The following KIAA1958 variants were observed in gnomAD, a reference collection of about 807,000 sequenced individuals.
KIAA1958 encodes the protein KIAA1958.
In KIAA1958, 14 loss-of-function variants were observed where a neutral mutation model predicts 47.2. That is an observed-to-expected ratio of 0.30 (90% CI 0.20 to 0.46). The LOEUF (loss-of-function observed/expected upper bound fraction) is 0.46, where lower values mean the gene tolerates loss of function less well. Ranked by LOEUF, KIAA1958 falls within the 20% of genes least tolerant of loss-of-function variation. The pLI is 1.00. For missense variants in KIAA1958, 803 were observed against 909.2 expected, an observed-to-expected ratio of 0.88 and a Z score of 1.50; for synonymous variants, 354 against 353.3, an observed-to-expected ratio of 1.00 and a Z score of -0.02.
Position 112,665,968 on chromosome 9 carries a change from C to A in KIAA1958, c.*5899C>A, listed in dbSNP as rs1194110209. The A allele has an allele frequency of 1.3e-5, 2 of 151,738 alleles. No homozygotes were observed. The allele number at this position is 151,738 out of a possible 1,614,324, so 9.4% of individuals were successfully genotyped here. A position where few individuals can be genotyped will look rare whatever the true frequency, so the allele number is the denominator to read the frequency against. On this transcript the variant is annotated 3_prime_UTR_variant, in exon 4 of 4. Transcript: ENST00000337530. ...GATTTTTATAATCTGTAGGCTATAG[C>A]ACTGTCATAGAAAAATATACCTTTT...
chr9:112,652,458 A>G (rs774611255), intron 3 of KIAA1958, among the ~76,000 whole-genome samples: 3 of 152,220 alleles, frequency 2.0e-5, no homozygotes, highest in South Asian at 2.1e-4. Flanking sequence ...TGCAAACAAT[A>G]TAAGTGTTGT....
intron 1 of KIAA1958, among the ~76,000 whole-genome samples, chr9:112,493,936 CTT>C (rs1834012399): frequency 2.0e-5 from 3 of 152,176 alleles, no homozygotes; most frequent in Non-Finnish European, 4.4e-5. Flanking sequence ...CTCACAATTA[CTT>C]AACTGTGCCA....
Position 112,618,814 on chromosome 9 carries a change from T to A in KIAA1958, c.1172-26836T>A, listed in dbSNP as rs1357615735. On this transcript the variant is annotated intron_variant, in intron 2 of 3. Transcript: ENST00000337530. This position sits in a 1 kb window ranked among gnomAD's most constrained non-coding sequence, Gnocchi z 7.1. ...AGAGCAACCAGCTCGTGCTGATCTG[T>A]AACAATCTGAGCCAGCAGGCTGCCC... The A allele has an allele frequency of 1.3e-6, 2 of 1,550,600 alleles. No homozygotes were observed. Among genetic ancestry groups the A allele is most frequent in the Admixed American group, 3.9e-5 (2 of 51,012 alleles).
intron 2 of KIAA1958, among the ~76,000 whole-genome samples, chr9:112,629,247 T>G (rs1479816311): frequency 6.6e-6 from 1 of 152,198 alleles, no homozygotes; most frequent in African/African-American, 2.4e-5. Flanking sequence ...TTTCAACAGA[T>G]TAACTCTGCT....
At chr9:112,626,641 A>G (rs1431950873) in intron 2 of KIAA1958, among the ~76,000 whole-genome samples, 1 of 151,998 alleles carries the variant, frequency 6.6e-6, no homozygotes, top group East Asian at 1.9e-4. Flanking sequence ...GTGTACTTCC[A>G]CTAGAAATTA....
In KIAA1958 at chr9:112,618,773, A is replaced by G. The variant is rs1297470978; in HGVS notation, c.1172-26877A>G. The G allele has an allele frequency of 3.2e-6, 5 of 1,550,506 alleles. No individual in the cohort carries two copies. In the African/African-American group the frequency reaches 5.5e-5, roughly 17 times the overall value. ...CTTCAGTGTGTATCAGAGCTGCAGCACCTTGTCTGAGGCCCAGAGCAACCA... is the reference window on the plus strand; with the variant it reads ...CTTCAGTGTGTATCAGAGCTGCAGCGCCTTGTCTGAGGCCCAGAGCAACCA... On this transcript the variant is annotated intron_variant, in intron 2 of 3. Transcript: ENST00000337530. This position sits in a 1 kb window ranked among gnomAD's most constrained non-coding sequence, Gnocchi z 7.1.
At chr9:112,638,623 G>A (rs1836846335) in intron 2 of KIAA1958, among the ~76,000 whole-genome samples, 1 of 152,098 alleles carries the variant, frequency 6.6e-6, no homozygotes, top group South Asian at 2.1e-4. Context: ...AAAGCTTCTG[G>A]AATCTGTAGA....
At chr9:112,566,578 A>G (rs1224498588) in intron 1 of KIAA1958, among the ~76,000 whole-genome samples, 1 of 152,222 alleles carries the variant, frequency 6.6e-6, no homozygotes, top group Non-Finnish European at 1.5e-5. Flanking sequence ...ACTGCATTTC[A>G]GCCTGGGCAG....
chr9:112,535,381 A>G (rs533171896), intron 1 of KIAA1958, among the ~76,000 whole-genome samples: 1 of 152,290 alleles, frequency 6.6e-6, no homozygotes, highest in East Asian at 1.9e-4. Flanking sequence ...CATAATGTTT[A>G]TAAGATTCGT....
rs1836323189 is a variant in KIAA1958, at chr9:112,611,317, C to T, written c.1172-34333C>T. Reference sequence around the variant, plus strand: ...TTTTTGCAAATGATGTAATTGTATACTTGGAATGCTTGGATTATATACTTG... The same window carrying T: ...TTTTTGCAAATGATGTAATTGTATATTTGGAATGCTTGGATTATATACTTG... On this transcript the variant is annotated intron_variant, in intron 2 of 3. Coordinates refer to ENST00000337530, the MANE Select transcript of KIAA1958 (RefSeq NM_133465.4). 2.0e-5 allele frequency among the ~76,000 whole-genome samples: 3 copies of T among 152,064 alleles called. No individual in the cohort carries two copies. In the South Asian group the frequency reaches 6.2e-4, roughly 32 times the overall value.
intron 1 of KIAA1958, among the ~76,000 whole-genome samples, chr9:112,532,875 A>G (rs775417727): frequency 2.0e-5 from 3 of 152,244 alleles, no homozygotes; most frequent in Non-Finnish European, 2.9e-5. Flanking sequence ...AGCCCTTGAA[A>G]ATCAGTGCAA....
At chr9:112,569,435 TA>T (rs1835492428) in intron 1 of KIAA1958, among the ~76,000 whole-genome samples, 1 of 152,234 alleles carries the variant, frequency 6.6e-6, no homozygotes, top group Non-Finnish European at 1.5e-5. Context: ...TTTAATTCAT[TA>T]AAAGCTTCTG....
intron 2 of KIAA1958, among the ~76,000 whole-genome samples, chr9:112,594,857 G>A (rs1359553177): frequency 6.6e-6 from 1 of 152,206 alleles, no homozygotes; most frequent in Non-Finnish European, 1.5e-5. Flanking sequence ...AGTAATGTAT[G>A]TGGGTCCAGT....
chr9:112,641,142 A>G (rs1414786811), intron 2 of KIAA1958, among the ~76,000 whole-genome samples: 3 of 151,832 alleles, frequency 2.0e-5, no homozygotes, highest in South Asian at 2.1e-4. Context: ...TGTTCTATCC[A>G]TTTTTCATTT....
chr9:112,519,760 G>C (rs913347436), intron 1 of KIAA1958, among the ~76,000 whole-genome samples: 2 of 152,190 alleles, frequency 1.3e-5, no homozygotes, highest in Non-Finnish European at 1.5e-5. Flanking sequence ...GAGAAATGCT[G>C]ATGTACCTTT....
intron 1 of KIAA1958, among the ~76,000 whole-genome samples, chr9:112,524,002 C>T (rs1437638329): frequency 6.6e-6 from 1 of 152,192 alleles, no homozygotes; most frequent in Non-Finnish European, 1.5e-5. Flanking sequence ...TGTATGTGTG[C>T]ATGCACCCCT....
At chr9:112,617,763 T>C (rs1836431635) in intron 2 of KIAA1958, 1 of 852,792 alleles carries the variant, frequency 1.2e-6, no homozygotes, top group Non-Finnish European at 1.8e-6. Flanking sequence ...TAAAACTGAT[T>C]CCTCCTTTCC....
intron 1 of KIAA1958, among the ~76,000 whole-genome samples, chr9:112,557,141 G>A (rs1835256489): frequency 7.0e-6 from 1 of 143,736 alleles, no homozygotes; most frequent in Non-Finnish European, 1.5e-5. Flanking sequence ...CCAGTCTTTT[G>A]TAGAGACAGG....
At chr9:112,644,422 G>C (rs1318038565) in intron 2 of KIAA1958, among the ~76,000 whole-genome samples, 1 of 152,164 alleles carries the variant, frequency 6.6e-6, no homozygotes, top group Non-Finnish European at 1.5e-5. Flanking sequence ...GTTTCCCACA[G>C]CCCTAGCCAG....
Sources: gnomAD v4.1 joint callset for allele counts (sites outside exome capture counted in the v4.1 genomes callset) on GRCh38, gnomAD v4.1.1 for gene constraint, Gnocchi (gnomAD v3.1) non-coding constraint, MANE v1.5 for transcripts, NCBI Gene and HGNC (gene_info 2026-07-23, HGNC 2026-07-21) for gene names.